TSNAXIP1: variants seen among roughly 807,000 people sequenced by gnomAD.
TSNAXIP1 encodes the protein translin-associated factor X-interacting protein 1.
Under a neutral mutation model 84.8 loss-of-function variants are expected in TSNAXIP1, and 89 were observed. The observed-to-expected ratio is 1.05, with a 90% CI of 0.88 to 1.25. The LOEUF (loss-of-function observed/expected upper bound fraction) is 1.25, where lower values mean the gene tolerates loss of function less well. TSNAXIP1 is among the 50% of genes most tolerant of loss of function. The pLI is 0.00. For synonymous variants in TSNAXIP1, 347 were observed against 335.2 expected, an observed-to-expected ratio of 1.04 and a Z score of -0.39; for missense variants, 874 against 887.6, an observed-to-expected ratio of 0.98 and a Z score of 0.20.
At chr16:67,807,964 C>T (rs1264348584) in intron 1 of TSNAXIP1, among the ~76,000 whole-genome samples, 2 of 152,146 alleles carry the variant, frequency 1.3e-5, no homozygotes, top group African/African-American at 2.4e-5. Context: ...GCCATACATA[C>T]GGATTAAAAC....
At chr16:67,812,598 G>A (rs1031840044) in intron 1 of TSNAXIP1, among the ~76,000 whole-genome samples, 5 of 151,318 alleles carry the variant, frequency 3.3e-5, no homozygotes, top group African/African-American at 9.7e-5. Flanking sequence ...CCTGGGAGTC[G>A]GAGGCTGCAG....
chr16:67,808,456 C>A (rs2055696377), intron 1 of TSNAXIP1, among the ~76,000 whole-genome samples: 1 of 152,198 alleles, frequency 6.6e-6, no homozygotes. Flanking sequence ...CACCTGTAGT[C>A]CCAGCTACTC....
At chr16:67,816,030 G>A (rs1345024257) in intron 2 of TSNAXIP1, among the ~76,000 whole-genome samples, 5 of 145,592 alleles carry the variant, frequency 3.4e-5, no homozygotes, top group African/African-American at 1.3e-4. Flanking sequence ...GTGCAGTGAC[G>A]CAATCTCGGC....
At chr16:67,824,515 C>G in intron 5 of TSNAXIP1, 68 bp from the exon 6 acceptor site, 1 of 1,510,112 alleles carries the variant, frequency 6.6e-7, no homozygotes, top group Non-Finnish European at 9.1e-7. Context: ...CACCCATGAC[C>G]TTAGGGTGTC....
intron 2 of TSNAXIP1, 36 bp downstream of exon 2, chr16:67,814,437 A>G: frequency 6.7e-7 from 1 of 1,498,616 alleles, no homozygotes; most frequent in Non-Finnish European, 9.0e-7. Context: ...CCCAAATGTC[A>G]GCCCCCAGAC....
chr16:67,821,038 G>T (rs2057007636), intron 3 of TSNAXIP1, 61 bp from the exon 4 acceptor site: 1 of 1,607,322 alleles, frequency 6.2e-7, no homozygotes, highest in Non-Finnish European at 8.5e-7. Context: ...TGTTGCCCCA[G>T]ACTGAGGGCA....
At chr16:67,815,480 C>T (rs1231654988) in intron 2 of TSNAXIP1, among the ~76,000 whole-genome samples, 5 of 151,946 alleles carry the variant, frequency 3.3e-5, no homozygotes, top group African/African-American at 4.8e-5. Context: ...GAACTATAGG[C>T]ACATGCCACC....
chr16:67,820,850 C>T lies in TSNAXIP1; in HGVS notation c.159C>T (p.Phe53=). The change falls in exon 3 of 16, where the codon TTC becomes TTT. Residue 53 remains phenylalanine (F), a synonymous_variant. Coordinates refer to ENST00000561639, the MANE Select transcript of TSNAXIP1 (RefSeq NM_001288990.3). ...LQKRRTLTGQ[F]SMGGHLSPWP... is the part of the protein sequence containing the mutation. ...GTACCTCCCTGCAGACTGGTCAGTTCTCCATGGGTGGGCACCTGTCCCCAT... is the reference window on the plus strand; with the variant it reads ...GTACCTCCCTGCAGACTGGTCAGTTTTCCATGGGTGGGCACCTGTCCCCAT... The T allele has an allele frequency of 6.4e-7, 1 of 1,555,136 alleles. No homozygotes were observed. The highest frequency in any genetic ancestry group is 8.7e-7 in the Non-Finnish European group (1 of 1,152,934).
chr16:67,812,405 C>T (rs186270562), intron 1 of TSNAXIP1, among the ~76,000 whole-genome samples: 273 of 152,168 alleles, frequency 1.8e-3, no homozygotes, highest in South Asian at 5.4e-3. Context: ...CGGTGGCTCA[C>T]ACCCGTAATC....
chr16:67,818,947 G>A (rs1297495789), intron 2 of TSNAXIP1, among the ~76,000 whole-genome samples: 1 of 151,904 alleles, frequency 6.6e-6, no homozygotes, highest in Non-Finnish European at 1.5e-5. Context: ...CAGGTTATCC[G>A]CTTGCCTCCG....
At chr16:67,818,429 A>C (rs2056768469) in intron 2 of TSNAXIP1, among the ~76,000 whole-genome samples, 1 of 151,866 alleles carries the variant, frequency 6.6e-6, no homozygotes, top group South Asian at 2.1e-4. Context: ...AGGTGGGAGG[A>C]TCTCTTGAGC....
In TSNAXIP1 at chr16:67,825,809, G is replaced by C. The variant is rs376792480; in HGVS notation, c.957G>C (p.Glu319Asp). ...VVPRRDFEMQEKTNKDLQEQL... is the reference protein window; with the variant it reads ...VVPRRDFEMQDKTNKDLQEQL... ...CCAGGAGGGACTTTGAAATGCAGGA[G>C]AAGACCAACAAGGATCTTCAGGAGC... The change falls in exon 8 of 16, where the codon GAG becomes GAC. Residue 319 changes from glutamate to aspartate, a missense_variant. Physicochemically the swap from Glu to Asp is conservative, Grantham distance 45 (BLOSUM62 2). Coordinates refer to ENST00000561639, the MANE Select transcript of TSNAXIP1 (RefSeq NM_001288990.3). 3.7e-6 allele frequency: 6 copies of C among 1,614,178 alleles called. No homozygotes were observed. Among genetic ancestry groups the C allele is most frequent in the Non-Finnish European group, 5.1e-6 (6 of 1,180,022 alleles).
At chr16:67,823,550 A>T in intron 4 of TSNAXIP1, 76 bp from the exon 5 acceptor site, 1 of 1,257,656 alleles carries the variant, frequency 8.0e-7, no homozygotes, top group Non-Finnish European at 1.2e-6. Context: ...CTCAGGAAAA[A>T]AGAAAAAGAA....
At chr16:67,810,712 A>G (rs1465633632) in intron 1 of TSNAXIP1, among the ~76,000 whole-genome samples, 1 of 152,124 alleles carries the variant, frequency 6.6e-6, no homozygotes, top group Non-Finnish European at 1.5e-5. Context: ...GAGGGTTACC[A>G]TAAAATATTT....
At chr16:67,824,520 G>C (rs2057298957) in intron 5 of TSNAXIP1, 63 bp from the exon 6 acceptor site, 1 of 1,531,178 alleles carries the variant, frequency 6.5e-7, no homozygotes, top group Non-Finnish European at 8.9e-7. Context: ...ATGACCTTAG[G>C]GTGTCTTCTG....
At chr16:67,807,513 G>A in intron 1 of TSNAXIP1, 1 of 826,858 alleles carries the variant, frequency 1.2e-6, no homozygotes, top group Non-Finnish European at 1.7e-6. Flanking sequence ...CGCCCAGGCT[G>A]GAGTGCAGTG....
At chr16:67,823,543 A>T in intron 4 of TSNAXIP1, 83 bp from the exon 5 acceptor site, 1 of 1,141,696 alleles carries the variant, frequency 8.8e-7, no homozygotes, top group Non-Finnish European at 1.3e-6. Flanking sequence ...ACTCCGTCTC[A>T]GGAAAAAAGA....
intron 12 of TSNAXIP1, 30 bp from the exon 13 acceptor site, chr16:67,826,933 A>T: frequency 6.2e-7 from 1 of 1,613,540 alleles, no homozygotes; most frequent in Non-Finnish European, 8.5e-7. Context: ...TCCCAGGAAC[A>T]GCAGGTGAAT....
intron 2 of TSNAXIP1, among the ~76,000 whole-genome samples, chr16:67,816,962 TA>T (rs1430441380): frequency 5.3e-5 from 8 of 150,808 alleles, no homozygotes; most frequent in Non-Finnish European, 8.8e-5. Context: ...TTTTTTTTTT[TA>T]ATATTAATTA....
Sources: allele counts gnomAD v4.1 joint callset (sites outside exome capture counted in the v4.1 genomes callset), GRCh38; gene constraint gnomAD v4.1.1; transcripts MANE v1.5; gene names NCBI Gene and HGNC (gene_info 2026-07-23, HGNC 2026-07-21).